The following MDGA2 variants were observed in gnomAD, a reference collection of about 807,000 sequenced individuals.
MDGA2 encodes the protein MAM domain containing glycosylphosphatidylinositol anchor 2, also known as MAM domain-containing glycosylphosphatidylinositol anchor protein 2.
MDGA2 carries 40 observed loss-of-function variants against 117.8 expected under a neutral mutation model. The observed-to-expected ratio is 0.34, with a 90% confidence interval of 0.26 to 0.44. The LOEUF (loss-of-function observed/expected upper bound fraction) is 0.44, where lower values mean the gene tolerates loss of function less well. Ranked by LOEUF, MDGA2 falls within the 20% of genes least tolerant of loss-of-function variation. The pLI, the probability that MDGA2 is intolerant of heterozygous loss-of-function variation, is 1.00. For synonymous variants in MDGA2, 452 were observed against 439.0 expected (o/e 1.03, Z -0.37); for missense variants, 1,123 against 1,250.6 (o/e 0.90, Z 1.54).
intron 10 of MDGA2, among the ~76,000 whole-genome samples, chr14:46,912,715 G>C (rs1883753224): frequency 6.6e-6 from 1 of 152,092 alleles, no homozygotes; most frequent in South Asian, 2.1e-4. Flanking sequence ...CAGACTCAGA[G>C]AAAATCCTCA....
chr14:47,332,775 C>T (rs558424182), intron 1 of MDGA2, among the ~76,000 whole-genome samples: 1 of 151,898 alleles, frequency 6.6e-6, no homozygotes, highest in Admixed American at 6.6e-5. Flanking sequence ...GCACATTGTA[C>T]TCATTAAGTA....
At chr14:47,608,518 C>T (rs1896781964) in intron 1 of MDGA2, among the ~76,000 whole-genome samples, 1 of 152,056 alleles carries the variant, frequency 6.6e-6, no homozygotes, top group Non-Finnish European at 1.5e-5. Context: ...TGGGTGAATG[C>T]ACGTCCATAT....
intron 8 of MDGA2, among the ~76,000 whole-genome samples, chr14:47,010,743 T>C (rs1487865549): frequency 2.0e-5 from 3 of 152,056 alleles, no homozygotes; most frequent in African/African-American, 7.2e-5. Context: ...ATTAACACAA[T>C]GTGAAATTTA....
chr14:46,879,850 G>A (rs1415669983), intron 11 of MDGA2, among the ~76,000 whole-genome samples: 1 of 152,072 alleles, frequency 6.6e-6, no homozygotes, highest in Non-Finnish European at 1.5e-5. Context: ...GGTAAAAACT[G>A]TAAGTACAAA....
chr14:47,307,622 A>G (rs947412702), intron 1 of MDGA2, among the ~76,000 whole-genome samples: 2 of 152,060 alleles, frequency 1.3e-5, no homozygotes, highest in Non-Finnish European at 2.9e-5. Context: ...CGGAGGTTGC[A>G]GTGAGACAAG....
chr14:47,227,564 T>C (rs1220751896), intron 2 of MDGA2, among the ~76,000 whole-genome samples: 1 of 152,136 alleles, frequency 6.6e-6, no homozygotes, highest in Non-Finnish European at 1.5e-5. Context: ...ATAATAATTT[T>C]GCCTTAACCA....
intron 3 of MDGA2, among the ~76,000 whole-genome samples, chr14:47,144,520 A>G (rs1379595921): frequency 6.6e-6 from 1 of 152,148 alleles, no homozygotes; most frequent in African/African-American, 2.4e-5. Flanking sequence ...ACTCTTTGTC[A>G]ATAGCCACAT....
At chr14:47,356,024 C>A (rs1013813052) in intron 1 of MDGA2, among the ~76,000 whole-genome samples, 1 of 152,164 alleles carries the variant, frequency 6.6e-6, no homozygotes, top group Non-Finnish European at 1.5e-5. Flanking sequence ...AACTGAAAGA[C>A]TGGCCTCACC....
At chr14:47,375,087 TA>T (rs1891447572) in intron 1 of MDGA2, among the ~76,000 whole-genome samples, 1 of 151,884 alleles carries the variant, frequency 6.6e-6, no homozygotes, top group Non-Finnish European at 1.5e-5. Context: ...CTGTTTTTTT[TA>T]ATTTTTTTAA....
intron 10 of MDGA2, among the ~76,000 whole-genome samples, chr14:46,890,145 C>T (rs900275407): frequency 6.6e-6 from 1 of 152,022 alleles, no homozygotes; most frequent in African/African-American, 2.4e-5. Flanking sequence ...TCACTTCCAC[C>T]ACCATGACCT....
At chr14:46,864,603 CAAA>C (rs61055938) in intron 14 of MDGA2, among the ~76,000 whole-genome samples, 4,349 of 73,394 alleles carry the variant, frequency 0.059, 346 homozygotes, top group African/African-American at 0.19. Context: ...AACCCTGTGT[CAAA>C]AAAAAAAAAA....
intron 2 of MDGA2, among the ~76,000 whole-genome samples, chr14:47,241,098 C>T (rs1887024055): frequency 1.3e-5 from 2 of 151,748 alleles, no homozygotes; most frequent in African/African-American, 4.8e-5. Context: ...ATGACCAATC[C>T]AGGAGATGGG....
intron 1 of MDGA2, among the ~76,000 whole-genome samples, chr14:47,479,722 T>C (rs1423297963): frequency 2.6e-5 from 4 of 152,046 alleles, no homozygotes; most frequent in Non-Finnish European, 5.9e-5. Flanking sequence ...TAACCATTGG[T>C]AATCATTCAA....
intron 8 of MDGA2, among the ~76,000 whole-genome samples, chr14:47,010,466 T>C (rs766965973): frequency 2.0e-5 from 3 of 152,102 alleles, no homozygotes; most frequent in Non-Finnish European, 4.4e-5. Context: ...TTCACCTTTC[T>C]GACATATTCC....
At chr14:47,167,205 T>A (rs1883920567) in intron 3 of MDGA2, among the ~76,000 whole-genome samples, 1 of 152,140 alleles carries the variant, frequency 6.6e-6, no homozygotes, top group Non-Finnish European at 1.5e-5. Context: ...ATTGCTGAAG[T>A]TGATACATAT....
rs569088460 is a variant in MDGA2, at chr14:47,333,701, T to G, written c.281-32151A>C. 6.6e-5 allele frequency among the ~76,000 whole-genome samples: 10 copies of G among 151,744 alleles called. No individual in the cohort carries two copies. In the South Asian group the frequency reaches 2.1e-3, roughly 32 times the overall value. Reference sequence around the variant, plus strand: ...TTTCTCCCAATTTCCACTCTCAACCTTCATACTCACACAAATTTAATAAGT... The same window carrying G: ...TTTCTCCCAATTTCCACTCTCAACCGTCATACTCACACAAATTTAATAAGT... On this transcript the variant is annotated intron_variant, in intron 1 of 16. Coordinates refer to ENST00000399232, the MANE Select transcript of MDGA2 (RefSeq NM_001113498.3).
intron 1 of MDGA2, among the ~76,000 whole-genome samples, chr14:47,358,259 G>C (rs889840339): frequency 5.3e-5 from 8 of 152,134 alleles, no homozygotes; most frequent in African/African-American, 1.9e-4. Context: ...CAATGACTCA[G>C]CTAATCAGCC....
chr14:47,565,309 T>A (rs1391357230), intron 1 of MDGA2, among the ~76,000 whole-genome samples: 1 of 152,224 alleles, frequency 6.6e-6, no homozygotes, highest in African/African-American at 2.4e-5. Flanking sequence ...TTGTTTTGTT[T>A]GCTTTTCTAT....
chr14:47,658,082 C>T (rs1484613022), intron 1 of MDGA2, among the ~76,000 whole-genome samples: 1 of 152,104 alleles, frequency 6.6e-6, no homozygotes, highest in Non-Finnish European at 1.5e-5. Flanking sequence ...TTCTTAGGGA[C>T]AATAGCAAAA....
Sources: allele counts gnomAD v4.1 joint callset (sites outside exome capture counted in the v4.1 genomes callset), GRCh38; gene constraint gnomAD v4.1.1; transcripts MANE v1.5; gene names NCBI Gene and HGNC (gene_info 2026-07-23, HGNC 2026-07-21).